SYDE2: variants seen among roughly 807,000 people sequenced by gnomAD.
SYDE2 encodes the protein rho GTPase-activating protein SYDE2.
SYDE2 carries 76 observed loss-of-function variants against 91.5 expected under a neutral mutation model. The ratio of observed to expected loss-of-function variants is 0.83; its 90% CI spans 0.69 to 1.01. SYDE2 has a LOEUF of 1.01. SYDE2 is among the 50% of genes least tolerant of loss of function. The probability of loss-of-function intolerance (pLI) is 0.00; values close to 1 mark genes in which losing one functional copy is unlikely to be tolerated. For synonymous variants in SYDE2, 513 were observed against 506.4 expected (o/e 1.01, Z -0.18); for missense variants, 1,364 against 1,367.7 (o/e 1.00, Z 0.04).
chr1:85,174,621 T>C, intron 4 of SYDE2, among the ~76,000 whole-genome samples: 1 of 152,216 alleles, frequency 6.6e-6, no homozygotes, highest in East Asian at 1.9e-4. Flanking sequence ...ATTACTTTTT[T>C]AAATCCACTA....
intron 5 of SYDE2, among the ~76,000 whole-genome samples, chr1:85,165,567 TTAAC>T (rs1464007037): frequency 1.1e-4 from 17 of 151,040 alleles, no homozygotes; most frequent in African/African-American, 4.1e-4. Context: ...AATATGCTTC[TTAAC>T]TAATATACAT....
intron 6 of SYDE2, among the ~76,000 whole-genome samples, chr1:85,164,236 G>A (rs564238953): frequency 5.3e-5 from 8 of 152,222 alleles, no homozygotes; most frequent in Admixed American, 3.3e-4. Context: ...GCTCTAAGAC[G>A]TTAAGAAACC....
chr1:85,190,445 C>T lies in SYDE2; in HGVS notation c.1053G>A (p.Ser351=), dbSNP rs769813600. 1.4e-5 allele frequency: 22 copies of T among 1,613,642 alleles called. No homozygotes were observed. The African/African-American group carries it at 2.3e-4, about 17-fold the overall frequency. The change falls in exon 2 of 7, where the codon TCG becomes TCA. Residue 351 remains serine (S), a synonymous_variant. Transcript: ENST00000341460. ...VVCNATNSSL[S]KNCALDFNEE... ...CATTAAAATCTAAAGCACAGTTTTT[C>T]GATAATGAAGAGTTTGTAGCGTTAC...
chr1:85,160,254 G>A (rs1034477871), intron 6 of SYDE2: 22 of 962,216 alleles, frequency 2.3e-5, no homozygotes, highest in Admixed American at 1.8e-4. Context: ...GTTTGCTGTT[G>A]TATAAAATAA....
chr1:85,159,923 C>T (rs1186831880), intron 6 of SYDE2: 1 of 984,204 alleles, frequency 1.0e-6, no homozygotes, highest in Non-Finnish European at 1.2e-6. Flanking sequence ...TTAACAATCC[C>T]AAATAACATT....
chr1:85,170,142 AGGGTCTC>A (rs1657452568), intron 4 of SYDE2, among the ~76,000 whole-genome samples: 1 of 141,824 alleles, frequency 7.1e-6, no homozygotes, highest in South Asian at 2.2e-4. Flanking sequence ...TAATTGTGAC[AGGGTCTC>A]GCTCCATCAC....
chr1:85,195,124 C>T (rs908183254), intron 1 of SYDE2, among the ~76,000 whole-genome samples: 4 of 150,972 alleles, frequency 2.6e-5, no homozygotes, highest in South Asian at 2.1e-4. Context: ...CACGCCACTG[C>T]ACTCCAGGCT....
chr1:85,153,284 A>T (rs1278250158), downstream of SYDE2: 2 of 152,300 alleles, frequency 1.3e-5, no homozygotes, highest in Non-Finnish European at 2.9e-5. Context: ...CAGAGAGGAA[A>T]TATGAGATTG....
chr1:85,164,869 T>A (rs1259086108), intron 5 of SYDE2, 112 bp from the exon 6 acceptor site: 13 of 619,822 alleles, frequency 2.1e-5, no homozygotes, highest in Admixed American at 1.7e-4. Context: ...GGATTTTTTT[T>A]AAAGATTTGC....
intron 4 of SYDE2, among the ~76,000 whole-genome samples, chr1:85,171,447 A>G (rs1657503840): frequency 6.6e-6 from 1 of 152,144 alleles, no homozygotes; most frequent in Non-Finnish European, 1.5e-5. Flanking sequence ...TCGAGGAAAA[A>G]TGTTTCAAGA....
At chr1:85,163,480 T>TATATATATA (rs1216698478) in intron 6 of SYDE2, among the ~76,000 whole-genome samples, 8 of 134,656 alleles carry the variant, frequency 5.9e-5, no homozygotes, top group East Asian at 2.1e-4. Flanking sequence ...TATATATATA[T>TATATATATA]AACAAAAGAG....
intron 1 of SYDE2, among the ~76,000 whole-genome samples, chr1:85,196,496 A>G (rs1386429821): frequency 6.6e-6 from 1 of 152,180 alleles, no homozygotes; most frequent in African/African-American, 2.4e-5. Context: ...ACTGGTCTAG[A>G]AATGTAGGAC....
intron 1 of SYDE2, among the ~76,000 whole-genome samples, chr1:85,197,713 GACAC>G (rs1658641507): frequency 6.6e-6 from 1 of 152,012 alleles, no homozygotes; most frequent in Non-Finnish European, 1.5e-5. Context: ...AGAGTGCAGT[GACAC>G]GATCTTGGCT....
downstream of SYDE2, chr1:85,153,413 A>T (rs1160125579): frequency 6.6e-6 from 1 of 151,996 alleles, no homozygotes; most frequent in African/African-American, 2.4e-5. Flanking sequence ...GGTAAGAAAG[A>T]CTCCAATTTT....
chr1:85,176,004 C>CTA (rs562672708), intron 4 of SYDE2, among the ~76,000 whole-genome samples: 7 of 152,084 alleles, frequency 4.6e-5, no homozygotes, highest in Non-Finnish European at 8.8e-5. Flanking sequence ...ATTCATTGAC[C>CTA]TATTGTTCAT....
chr1:85,190,283 G>A lies in SYDE2; in HGVS notation c.1215C>T (p.Ser405=), dbSNP rs1269349691. Residue 405 remains serine (S), a synonymous_variant, in exon 2 of 7, where the codon AGC becomes AGT. Transcript: ENST00000341460. ...AVLKLPAVNL[S]MLSGSDLMKA... ...TCATCAGGTCACTGCCAGACAACAT[G>A]CTCAAATTGACAGCAGGGAGCTTCA... 6.2e-7 allele frequency: 1 copy of A among 1,613,902 alleles called. No individual in the cohort carries two copies. The highest frequency in any genetic ancestry group is 2.2e-5 in the East Asian group (1 of 44,878).
intron 5 of SYDE2, among the ~76,000 whole-genome samples, chr1:85,165,193 C>A (rs1657220032): frequency 6.6e-6 from 1 of 152,098 alleles, no homozygotes; most frequent in South Asian, 2.1e-4. Flanking sequence ...GAGACTATAC[C>A]CCTGCACTCC....
chr1:85,201,003 G>T lies in SYDE2; in HGVS notation c.-7C>A. On this transcript the variant is annotated 5_prime_UTR_variant, in exon 1 of 7. Transcript: ENST00000341460. ...CAGGGGGCAGGTCGTGCATGGCCTG[G>T]ATCAGCAGATAATAGGCCTCTCGCA... The T allele has an allele frequency of 7.7e-7, 1 of 1,291,486 alleles. No individual in the cohort carries two copies. Among genetic ancestry groups the T allele is most frequent in the Non-Finnish European group, 9.7e-7 (1 of 1,026,450 alleles). 80.0% of individuals were successfully genotyped at this position (1,291,486 alleles called of 1,614,324 possible). A position where few individuals can be genotyped will look rare whatever the true frequency, so the allele number is the denominator to read the frequency against.
In SYDE2 at chr1:85,190,459, T is replaced by A; in HGVS notation, c.1039A>T (p.Asn347Tyr). The A allele has an allele frequency of 6.2e-7, 1 of 1,613,964 alleles. No individual in the cohort carries two copies. The highest frequency in any genetic ancestry group is 2.2e-5 in the East Asian group (1 of 44,888). Residue 347 changes from asparagine (N) to tyrosine (Y), a missense_variant, in exon 2 of 7, where the codon AAC becomes TAC. Coordinates refer to ENST00000341460, the MANE Select transcript of SYDE2 (RefSeq NM_032184.2). ...YCTYVVCNAT[N>Y]SSLSKNCALD... is the part of the protein sequence containing the mutation. ...GCACAGTTTTTCGATAATGAAGAGT[T>A]TGTAGCGTTACATACCACATATGTA...
Sources: allele counts gnomAD v4.1 joint callset (sites outside exome capture counted in the v4.1 genomes callset), GRCh38; gene constraint gnomAD v4.1.1; transcripts MANE v1.5; gene names NCBI Gene and HGNC (gene_info 2026-07-23, HGNC 2026-07-21).